The following ZFHX3 variants were observed in gnomAD, a reference collection of about 807,000 sequenced individuals.
The protein encoded by ZFHX3 is zinc finger homeobox 3, also known as zinc finger homeobox protein 3.
Under a neutral mutation model 279.1 loss-of-function variants are expected in ZFHX3, and 42 were observed. The ratio of observed to expected loss-of-function variants is 0.15; its 90% CI spans 0.12 to 0.19. ZFHX3 has a LOEUF of 0.19. Ranked by LOEUF, ZFHX3 falls within the 10% of genes least tolerant of loss-of-function variation. ZFHX3 has a pLI of 1.00. For missense variants in ZFHX3, 4,981 were observed against 4,754.0 expected (o/e 1.05, Z -1.40); for synonymous variants, 2,293 against 1,957.8 (o/e 1.17, Z -4.52).
upstream of ZFHX3, among the ~76,000 whole-genome samples, chr16:73,063,182 G>A (rs747376072): frequency 6.6e-6 from 1 of 152,210 alleles, no homozygotes; most frequent in African/African-American, 2.4e-5. Context: ...GCCTCTGCGC[G>A]CGCGGGGAGG....
At position 72,901,972 on chromosome 16, in the gene ZFHX3, T is replaced by C. The variant is rs184412045; in HGVS notation, c.3217-12010A>G. On this transcript the variant is annotated intron_variant, in intron 3 of 9. Coordinates refer to ENST00000268489, the MANE Select transcript of ZFHX3 (RefSeq NM_006885.4). ...ATTGTTCCGCCTCAAGATGGAGAGC[T>C]CAGCATGGATTTTACTGAACGTTAA... 2.0e-3 allele frequency among the ~76,000 whole-genome samples: 304 copies of C among 152,264 alleles called. 3 individuals are homozygous for C. The highest frequency in any genetic ancestry group is 7.0e-3 in the African/African-American group (292 of 41,544).
chr16:73,040,975 C>T (rs1211579653), intron 1 of ZFHX3, among the ~76,000 whole-genome samples: 1 of 152,194 alleles, frequency 6.6e-6, no homozygotes, highest in African/African-American at 2.4e-5. Flanking sequence ...ATGGCCTCAG[C>T]AGAGGGTGTA....
intron 1 of ZFHX3, chr16:73,815,981 G>A (rs945604962): frequency 1.3e-5 from 2 of 152,172 alleles, no homozygotes; most frequent in African/African-American, 2.4e-5. Flanking sequence ...AGTAACTAAA[G>A]TGGGTGACCC....
intron 3 of ZFHX3, among the ~76,000 whole-genome samples, chr16:73,356,043 A>G (rs957322405): frequency 6.6e-6 from 1 of 152,180 alleles, no homozygotes; most frequent in Admixed American, 6.5e-5. Flanking sequence ...AATTCATCCC[A>G]GAGACCTAAG....
At chr16:73,691,146 C>T (rs977088945) in intron 1 of ZFHX3, among the ~76,000 whole-genome samples, 1 of 152,098 alleles carries the variant, frequency 6.6e-6, no homozygotes, top group Non-Finnish European at 1.5e-5. Flanking sequence ...TTGCTGCTGC[C>T]GCTATTCTTG....
intron 4 of ZFHX3, among the ~76,000 whole-genome samples, chr16:72,852,971 C>T (rs1463093522): frequency 6.6e-6 from 1 of 152,224 alleles, no homozygotes; most frequent in Non-Finnish European, 1.5e-5. Flanking sequence ...ATGGAACTTA[C>T]CCTCCAGTAG....
intron 1 of ZFHX3, among the ~76,000 whole-genome samples, chr16:72,990,623 A>T (rs73594724): frequency 0.044 from 6,678 of 152,190 alleles, 318 homozygotes; most frequent in African/African-American, 0.12. Context: ...ACTTTAAACG[A>T]TTTTTGTCTA....
chr16:73,331,725 C>T (rs2015808843), intron 3 of ZFHX3, among the ~76,000 whole-genome samples: 1 of 152,116 alleles, frequency 6.6e-6, no homozygotes, highest in South Asian at 2.1e-4. Context: ...TGCTACATTC[C>T]CAGGGACCTG....
intron 4 of ZFHX3, among the ~76,000 whole-genome samples, chr16:73,310,730 T>C (rs929780479): frequency 6.6e-6 from 1 of 152,250 alleles, no homozygotes; most frequent in Non-Finnish European, 1.5e-5. Flanking sequence ...AGCAAAATTC[T>C]GGAAATAATC....
At chr16:73,763,190 C>CA (rs370101018) in intron 1 of ZFHX3, among the ~76,000 whole-genome samples, 33 of 151,046 alleles carry the variant, frequency 2.2e-4, no homozygotes, top group South Asian at 6.3e-4. Flanking sequence ...TTCCTAATTA[C>CA]AAAAAAAAAT....
chr16:73,715,893 T>G (rs1266502313), intron 1 of ZFHX3, among the ~76,000 whole-genome samples: 1 of 152,148 alleles, frequency 6.6e-6, no homozygotes, highest in Non-Finnish European at 1.5e-5. Context: ...TTTAAAGCTC[T>G]AGGTCTCCTG....
At chr16:72,926,759 T>G (rs527914637) in intron 3 of ZFHX3, among the ~76,000 whole-genome samples, 6 of 152,310 alleles carry the variant, frequency 3.9e-5, no homozygotes, top group African/African-American at 1.2e-4. Flanking sequence ...TACATGCTCC[T>G]GCCTCTCCTA....
chr16:73,008,597 G>C (rs992704667), intron 1 of ZFHX3, among the ~76,000 whole-genome samples: 1 of 152,206 alleles, frequency 6.6e-6, no homozygotes, highest in Non-Finnish European at 1.5e-5. Flanking sequence ...CACAAGGAGA[G>C]AGGGAAGAGG....
intron 3 of ZFHX3, among the ~76,000 whole-genome samples, chr16:72,944,734 T>A (rs1162766213): frequency 6.6e-6 from 1 of 152,164 alleles, no homozygotes; most frequent in Non-Finnish European, 1.5e-5. Context: ...ATTACTAGCT[T>A]ACACTTGAGG....
At chr16:72,835,923 A>G (rs987764216) in intron 4 of ZFHX3, among the ~76,000 whole-genome samples, 9 of 152,246 alleles carry the variant, frequency 5.9e-5, no homozygotes, top group African/African-American at 1.9e-4. Flanking sequence ...TCTACAGAAT[A>G]TGCAGGCTTT....
chr16:73,250,068 C>G (rs1282289625), intron 5 of ZFHX3, among the ~76,000 whole-genome samples: 1 of 152,206 alleles, frequency 6.6e-6, no homozygotes, highest in African/African-American at 2.4e-5. Flanking sequence ...TCAAATGATT[C>G]TGAAACCAGG....
intron 2 of ZFHX3, among the ~76,000 whole-genome samples, chr16:73,528,013 A>T (rs760650483): frequency 2.2e-4 from 33 of 152,324 alleles, no homozygotes; most frequent in South Asian, 6.2e-4. Context: ...TAGAAAACTA[A>T]TACACCCACT....
intron 3 of ZFHX3, among the ~76,000 whole-genome samples, chr16:72,915,557 GAGA>G (rs2039423955): frequency 6.6e-6 from 1 of 152,088 alleles, no homozygotes; most frequent in Non-Finnish European, 1.5e-5. Context: ...CCAGGAAGTC[GAGA>G]CCAGCCTGGG....
At chr16:73,792,609 C>T (rs2142316070) in intron 1 of ZFHX3, among the ~76,000 whole-genome samples, 1 of 152,318 alleles carries the variant, frequency 6.6e-6, no homozygotes, top group South Asian at 2.1e-4. Context: ...AAAACAGTAG[C>T]TTGCCTCCTT....
Sources: allele counts gnomAD v4.1 joint callset (sites outside exome capture counted in the v4.1 genomes callset), GRCh38; gene constraint gnomAD v4.1.1; transcripts MANE v1.5; gene names NCBI Gene and HGNC (gene_info 2026-07-23, HGNC 2026-07-21).